The following USP49 variants were observed in gnomAD, a reference collection of about 807,000 sequenced individuals.
The protein encoded by USP49 is ubiquitin carboxyl-terminal hydrolase 49.
Under a neutral mutation model 58.6 loss-of-function variants are expected in USP49, and 24 were observed. The observed-to-expected ratio is 0.41, with a 90% CI of 0.30 to 0.58. The LOEUF (loss-of-function observed/expected upper bound fraction) is 0.58, where lower values mean the gene tolerates loss of function less well. Ranked by LOEUF, USP49 falls within the 20% of genes least tolerant of loss-of-function variation. The pLI is 0.30. For missense variants in USP49, 703 were observed against 866.1 expected, an observed-to-expected ratio of 0.81 and a Z score of 2.36; for synonymous variants, 408 against 365.1, an observed-to-expected ratio of 1.12 and a Z score of -1.34.
chr6:41,850,495 AGAAAT>A (rs1173117014), intron 3 of USP49, among the ~76,000 whole-genome samples: 1 of 151,742 alleles, frequency 6.6e-6, no homozygotes, highest in African/African-American at 2.4e-5. Context: ...AAATAAAATC[AGAAAT>A]GAAAGGGGAA....
intron 3 of USP49, among the ~76,000 whole-genome samples, chr6:41,862,780 CTTTAT>C (rs1004854349): frequency 3.3e-5 from 5 of 151,946 alleles, no homozygotes; most frequent in African/African-American, 7.3e-5. Flanking sequence ...TTTTGTTTGA[CTTTAT>C]TTTATTTTGA....
chr6:41,863,457 C>T (rs1356686175), intron 3 of USP49, among the ~76,000 whole-genome samples: 17 of 152,162 alleles, frequency 1.1e-4, no homozygotes, highest in Admixed American at 2.6e-4. Context: ...TTGACGCCTC[C>T]GATCTTTCTG....
At chr6:41,886,193 T>C (rs1438789245) in intron 2 of USP49, among the ~76,000 whole-genome samples, 4 of 152,210 alleles carry the variant, frequency 2.6e-5, no homozygotes, top group Non-Finnish European at 5.9e-5. Flanking sequence ...CCAATTGATA[T>C]AGGTGGTTGT....
rs150547541 is a variant in USP49 at position 41,875,343 on chromosome 6, G to T, written c.-102-3706C>A. On this transcript the variant is annotated intron_variant, in intron 2 of 7. Coordinates refer to ENST00000682992, the MANE Select transcript of USP49 (RefSeq NM_001286554.2). ...ATATCTTTTTCAGCAAGCTCAATAA[G>T]GTGGCACATTCCAAACTATAAACAT... 1.4e-4 allele frequency among the ~76,000 whole-genome samples: 22 copies of T among 152,216 alleles called. 1 individual carries two copies. In the East Asian group the frequency reaches 3.1e-3, roughly 21 times the overall value.
rs972540201 is a variant in USP49, at chr6:41,863,769, G to A, written c.-29+7795C>T. The stretch of plus-strand genomic sequence containing the variant: ...ATGCAAATGAATTTTCTAAACCTCA[G>A]TATTTATTTATTTTTGATTCACCCT... On this transcript the variant is annotated intron_variant, in intron 3 of 7. Transcript: ENST00000682992. 5.9e-5 allele frequency among the ~76,000 whole-genome samples: 9 copies of A among 152,032 alleles called. 1 individual carries two copies. Among genetic ancestry groups the A allele is most frequent in the Middle Eastern group, 6.3e-3 (2 of 316 alleles).
intron 5 of USP49, 64 bp from the exon 6 acceptor site, chr6:41,800,002 C>G: frequency 7.1e-7 from 1 of 1,407,430 alleles, no homozygotes. Flanking sequence ...ATGGCAGAGA[C>G]AGTGACTTGC....
intron 3 of USP49, among the ~76,000 whole-genome samples, chr6:41,855,950 A>G (rs1774122673): frequency 6.6e-6 from 1 of 152,174 alleles, no homozygotes; most frequent in African/African-American, 2.4e-5. Context: ...AGGGGGGCTG[A>G]GGCAGGAGGA....
intron 3 of USP49, among the ~76,000 whole-genome samples, chr6:41,866,421 T>G (rs760571504): frequency 1.3e-5 from 2 of 152,144 alleles, no homozygotes; most frequent in Non-Finnish European, 2.9e-5. Context: ...TTTTTTTTGT[T>G]TTTATAGAAC....
At chr6:41,834,318 CAAT>C (rs1264954065) in intron 3 of USP49, among the ~76,000 whole-genome samples, 1 of 152,110 alleles carries the variant, frequency 6.6e-6, no homozygotes, top group African/African-American at 2.4e-5. Context: ...AATGATTATA[CAAT>C]AATAACAGCA....
chr6:41,822,818 CA>C (rs11324219), intron 3 of USP49, among the ~76,000 whole-genome samples: 81,883 of 144,508 alleles, frequency 0.57, 22,560 homozygotes, highest in Admixed American at 0.65. Context: ...GACTCCATCT[CA>C]AAAAAAAAAA....
chr6:41,818,342 TAC>T (rs148784626), intron 3 of USP49, among the ~76,000 whole-genome samples: 10 of 151,372 alleles, frequency 6.6e-5, no homozygotes, highest in African/African-American at 2.2e-4. Flanking sequence ...AGAGCACGTG[TAC>T]ACACACACAC....
At chr6:41,860,072 A>G (rs1188494275) in intron 3 of USP49, among the ~76,000 whole-genome samples, 2 of 152,208 alleles carry the variant, frequency 1.3e-5, no homozygotes, top group Non-Finnish European at 2.9e-5. Flanking sequence ...AGACATCCAG[A>G]TATTAGGTAT....
In USP49 at chr6:41,792,506, T is replaced by G. The variant is rs1772815350; in HGVS notation, c.*4027A>C. 7.3e-6 allele frequency: 1 copy of G among 136,438 alleles called. No individual in the cohort carries two copies. The highest frequency in any genetic ancestry group is 1.6e-5 in the Non-Finnish European group (1 of 63,522). The allele number at this position is 136,438 out of a possible 1,614,324, so 8.5% of individuals were successfully genotyped here. A position where few individuals can be genotyped will look rare whatever the true frequency, so the allele number is the denominator to read the frequency against. ...GAGGTAACCTCAGATAGGGATATAG[T>G]ATTCATTTAAGAAGGGGTAGCCCCC... On this transcript the variant is annotated 3_prime_UTR_variant, in exon 8 of 8. Transcript: ENST00000682992.
chr6:41,892,613 TAAATTATAC>T lies in USP49; in HGVS notation c.-184-747_-184-739del, dbSNP rs1478312153. On this transcript the variant is annotated intron_variant, in intron 1 of 7. Coordinates refer to ENST00000682992, the MANE Select transcript of USP49 (RefSeq NM_001286554.2). Reference sequence around the variant, plus strand: ...GTAGCTGAATGCAGAAAGAGTTTTCTAAATTATACATTAACCATTGTTGCTCAAATCCAC... The same window carrying T: ...GTAGCTGAATGCAGAAAGAGTTTTCTATTAACCATTGTTGCTCAAATCCAC... Among the ~76,000 whole-genome samples the T allele has an allele frequency of 1.4e-4, 21 of 152,350 alleles. No homozygotes were observed. The South Asian group carries it at 2.7e-3, about 20-fold the overall frequency.
At chr6:41,840,058 T>C (rs1773796307) in intron 3 of USP49, among the ~76,000 whole-genome samples, 1 of 151,924 alleles carries the variant, frequency 6.6e-6, no homozygotes, top group South Asian at 2.1e-4. Flanking sequence ...AATATCAGTA[T>C]AATGAATTGA....
chr6:41,885,690 T>C (rs1288482289), intron 2 of USP49, among the ~76,000 whole-genome samples: 2 of 152,172 alleles, frequency 1.3e-5, no homozygotes, highest in Non-Finnish European at 2.9e-5. Context: ...TCCCAGCTAC[T>C]GAGGAGGCTG....
intron 3 of USP49, among the ~76,000 whole-genome samples, chr6:41,831,150 G>A (rs1194605067): frequency 3.3e-5 from 5 of 152,178 alleles, no homozygotes; most frequent in Non-Finnish European, 7.3e-5. Flanking sequence ...CCAGCACTTT[G>A]GGAGGCTGAG....
intron 1 of USP49, among the ~76,000 whole-genome samples, chr6:41,892,579 A>T (rs930733439): frequency 4.6e-5 from 7 of 152,252 alleles, no homozygotes; most frequent in African/African-American, 2.4e-5. Context: ...ATACTATGCC[A>T]CTAACACAGT....
At chr6:41,802,428 T>TTTTA (rs1554142793) in intron 5 of USP49, among the ~76,000 whole-genome samples, 5,202 of 106,294 alleles carry the variant, frequency 0.049, 287 homozygotes, top group South Asian at 0.066. Context: ...TTTTATTTTA[T>TTTTA]TTTATTTATT....
Sources: allele counts gnomAD v4.1 joint callset (sites outside exome capture counted in the v4.1 genomes callset), GRCh38; gene constraint gnomAD v4.1.1; transcripts MANE v1.5; gene names NCBI Gene and HGNC (gene_info 2026-07-23, HGNC 2026-07-21).